IL1R1: variants seen among roughly 807,000 people sequenced by gnomAD.
The protein encoded by IL1R1 is interleukin 1 receptor type 1, also known as interleukin-1 receptor type 1.
Under a neutral mutation model 50.2 loss-of-function variants are expected in IL1R1, and 22 were observed. The observed-to-expected ratio is 0.44, with a 90% CI of 0.31 to 0.63. IL1R1 has a LOEUF of 0.63. IL1R1 is among the 20% of genes least tolerant of loss of function. IL1R1 has a pLI of 0.07. For synonymous variants in IL1R1, 251 were observed against 236.7 expected, an observed-to-expected ratio of 1.06 and a Z score of -0.55; for missense variants, 509 against 676.2, an observed-to-expected ratio of 0.75 and a Z score of 2.74.
chr2:102,170,441 C>T (rs1685571319), intron 7 of IL1R1, among the ~76,000 whole-genome samples: 2 of 152,070 alleles, frequency 1.3e-5, no homozygotes, highest in Non-Finnish European at 2.9e-5. Flanking sequence ...GGTATGCTTA[C>T]CACAAGGGAA....
At chr2:102,159,607 A>T (rs2104542994) in intron 3 of IL1R1, among the ~76,000 whole-genome samples, 1 of 152,258 alleles carries the variant, frequency 6.6e-6, no homozygotes, top group Middle Eastern at 3.4e-3. Context: ...TGTAAAAAAC[A>T]ATTAACACTG....
intron 1 of IL1R1, among the ~76,000 whole-genome samples, chr2:102,098,904 C>G (rs112393761): frequency 0.011 from 1,713 of 152,268 alleles, 34 homozygotes; most frequent in African/African-American, 0.039. Context: ...TATCAGAGAG[C>G]TGTTGAAGAC....
chr2:102,155,147 A>G (rs1577982782), intron 2 of IL1R1, among the ~76,000 whole-genome samples: 2 of 152,264 alleles, frequency 1.3e-5, no homozygotes, highest in East Asian at 3.8e-4. Context: ...TGGTTAACTG[A>G]AAACATTTTA....
At chr2:102,124,962 G>C (rs936651261) in intron 1 of IL1R1, among the ~76,000 whole-genome samples, 1 of 152,044 alleles carries the variant, frequency 6.6e-6, no homozygotes, top group Non-Finnish European at 1.5e-5. Context: ...CCACTATCAC[G>C]AGAACAGCAT....
chr2:102,160,373 T>C (rs1455223138), intron 3 of IL1R1, among the ~76,000 whole-genome samples: 1 of 152,218 alleles, frequency 6.6e-6, no homozygotes, highest in Non-Finnish European at 1.5e-5. Context: ...TGTTTTCTAT[T>C]TCATTGATTT....
chr2:102,174,808 G>T, intron 10 of IL1R1, 78 bp downstream of exon 10: 2 of 1,207,058 alleles, frequency 1.7e-6, no homozygotes, highest in Non-Finnish European at 2.3e-6. Flanking sequence ...GACTAAGAGG[G>T]TTTTTACTAA....
At chr2:102,083,151 T>C (rs1679288310) in intron 1 of IL1R1, among the ~76,000 whole-genome samples, 1 of 152,152 alleles carries the variant, frequency 6.6e-6, no homozygotes. Flanking sequence ...TGAGGACACT[T>C]AGTCCTACTC....
chr2:102,095,826 AACCCCATCTCT>A (rs1679877075), intron 1 of IL1R1, among the ~76,000 whole-genome samples: 1 of 152,136 alleles, frequency 6.6e-6, no homozygotes, highest in Admixed American at 6.6e-5. Flanking sequence ...AACATGGTGA[AACCCCATCTCT>A]ACTAAAAATA....
chr2:102,080,529 T>C (rs1679159192), intron 1 of IL1R1, among the ~76,000 whole-genome samples: 1 of 152,148 alleles, frequency 6.6e-6, no homozygotes, highest in Non-Finnish European at 1.5e-5. Flanking sequence ...TAAGATGCCA[T>C]CCACTAGAAT....
rs1056853008 is a variant in IL1R1, at chr2:102,073,972, G to A, written c.-84+3439G>A. Among the ~76,000 whole-genome samples the A allele has an allele frequency of 3.3e-5, 5 of 152,102 alleles. 1 individual carries two copies. The highest frequency in any genetic ancestry group is 7.2e-5 in the African/African-American group (3 of 41,414). ...GTCGAGGGACTTATTCCAATCGAACGTCTCAGTAGCTCAGTCCCAAGGAGC... is the reference window on the plus strand; with the variant it reads ...GTCGAGGGACTTATTCCAATCGAACATCTCAGTAGCTCAGTCCCAAGGAGC... On this transcript the variant is annotated intron_variant, in intron 1 of 11. Coordinates refer to the IL1R1 transcript ENST00000409929.
intron 1 of IL1R1, among the ~76,000 whole-genome samples, chr2:102,077,425 G>A (rs867652102): frequency 6.6e-6 from 1 of 152,098 alleles, no homozygotes; most frequent in Non-Finnish European, 1.5e-5. Flanking sequence ...ACAATCTAAT[G>A]TGTTTTCTCA....
At chr2:102,158,936 A>G (rs1292403384) in intron 3 of IL1R1, among the ~76,000 whole-genome samples, 1 of 152,180 alleles carries the variant, frequency 6.6e-6, no homozygotes. Flanking sequence ...GAGAAGTGAG[A>G]AGTAGACAAA....
intron 1 of IL1R1, among the ~76,000 whole-genome samples, chr2:102,149,661 C>T (rs1248782682): frequency 6.6e-6 from 1 of 152,108 alleles, no homozygotes; most frequent in Admixed American, 6.5e-5. Context: ...CCTGTGTGGT[C>T]ATTCCCATGG....
intron 1 of IL1R1, among the ~76,000 whole-genome samples, chr2:102,108,822 G>A (rs1680573703): frequency 6.6e-6 from 1 of 151,930 alleles, no homozygotes; most frequent in Non-Finnish European, 1.5e-5. Flanking sequence ...CAAGTGTCAT[G>A]GATTTGGCAT....
chr2:102,113,880 TAGC>T (rs1680916969), intron 1 of IL1R1, among the ~76,000 whole-genome samples: 1 of 152,240 alleles, frequency 6.6e-6, no homozygotes, highest in Admixed American at 6.6e-5. Flanking sequence ...GGCTTAAAAA[TAGC>T]AGGTGAGTTT....
chr2:102,083,997 T>C (rs1448634137), intron 1 of IL1R1, among the ~76,000 whole-genome samples: 1 of 152,160 alleles, frequency 6.6e-6, no homozygotes, highest in Non-Finnish European at 1.5e-5. Context: ...ATTAATTTTG[T>C]TTTTGCCCTG....
chr2:102,072,226 C>G (rs961682026), intron 1 of IL1R1, among the ~76,000 whole-genome samples: 4 of 150,404 alleles, frequency 2.7e-5, no homozygotes, highest in East Asian at 2.0e-4. Context: ...TGCCATTGCA[C>G]TCCAGCCTGG....
At chr2:102,109,277 T>C (rs1207264043) in intron 1 of IL1R1, among the ~76,000 whole-genome samples, 1 of 152,144 alleles carries the variant, frequency 6.6e-6, no homozygotes, top group Non-Finnish European at 1.5e-5. Flanking sequence ...GGTATATGAC[T>C]ACCATTTATT....
intron 3 of IL1R1, among the ~76,000 whole-genome samples, chr2:102,164,569 C>A (rs975384837): frequency 1.3e-5 from 2 of 152,110 alleles, no homozygotes; most frequent in Non-Finnish European, 2.9e-5. Flanking sequence ...GCCAGGGGTA[C>A]AGCACACAGG....
Sources: allele counts gnomAD v4.1 joint callset (sites outside exome capture counted in the v4.1 genomes callset), GRCh38; gene constraint gnomAD v4.1.1; transcripts MANE v1.5; gene names NCBI Gene and HGNC (gene_info 2026-07-23, HGNC 2026-07-21).